HHIP: variants seen among roughly 807,000 people sequenced by gnomAD.
HHIP encodes hedgehog interacting protein, also known as hedgehog-interacting protein.
A neutral mutation model predicts 74.0 loss-of-function variants in HHIP; 12 were observed. The observed-to-expected ratio is 0.16, with a 90% confidence interval of 0.10 to 0.26. The LOEUF (loss-of-function observed/expected upper bound fraction) is 0.26. Among genes scored for constraint, HHIP ranks in the 10% least tolerant of loss-of-function variants. The probability of loss-of-function intolerance (pLI) is 1.00; values close to 1 mark genes in which losing one functional copy is unlikely to be tolerated. For missense variants in HHIP, 788 were observed against 845.0 expected (o/e 0.93, Z 0.84); for synonymous variants, 309 against 311.6 (o/e 0.99, Z 0.09).
chr4:144,670,455 CA>C lies in HHIP; in HGVS notation c.831+10633del, dbSNP rs70956805. Among the ~76,000 whole-genome samples, 861 of 116,714 alleles carry C rather than the reference CA, an allele frequency of 7.4e-3. 5 individuals carry two copies. The highest frequency in any genetic ancestry group is 0.019 in the African/African-American group (619 of 31,808). 76.6% of individuals were successfully genotyped at this position (116,714 alleles called of 152,430 possible). A position where few individuals can be genotyped will look rare whatever the true frequency, so the allele number is the denominator to read the frequency against. The stretch of plus-strand genomic sequence containing the variant: ...CAGCCTGGGTGACTGAAGAGACTGT[CA>C]AAAAAAAAAAAAAAAGCTAAATTAT... On this transcript the variant is annotated intron_variant, in intron 4 of 12. Transcript: ENST00000296575.
chr4:144,652,918 T>A (rs1728463099), intron 2 of HHIP, 121 bp downstream of exon 2: 2 of 627,902 alleles, frequency 3.2e-6, no homozygotes, highest in South Asian at 2.5e-5. Flanking sequence ...AATACCTATT[T>A]TACCTCATAA....
intron 4 of HHIP, among the ~76,000 whole-genome samples, chr4:144,696,363 A>G (rs1212862907): frequency 6.6e-6 from 1 of 151,880 alleles, no homozygotes; most frequent in East Asian, 1.9e-4. Context: ...TGAGGTACAC[A>G]CTTCAGTATA....
chr4:144,723,349 C>A (rs1730692600), intron 11 of HHIP, among the ~76,000 whole-genome samples: 1 of 152,158 alleles, frequency 6.6e-6, no homozygotes, highest in Non-Finnish European at 1.5e-5. Flanking sequence ...CTCTTCCCCC[C>A]ATGGCCCACT....
At chr4:144,650,401 C>T (rs186781550) in intron 1 of HHIP, among the ~76,000 whole-genome samples, 31 of 152,144 alleles carry the variant, frequency 2.0e-4, no homozygotes, top group African/African-American at 6.3e-4. Context: ...GTTTTGTATA[C>T]GGCTTTTAAA....
At chr4:144,651,057 G>A (rs1295997784) in intron 1 of HHIP, 1 of 152,062 alleles carries the variant, frequency 6.6e-6, no homozygotes, top group African/African-American at 2.4e-5. Context: ...AAACAGAATT[G>A]CTATATGATA....
rs1226374373 is a variant in HHIP at position 144,646,905 on chromosome 4, C to T, written c.230C>T (p.Ser77Phe). 1 of 1,613,742 alleles carries T rather than the reference C, an allele frequency of 6.2e-7. No individual in the cohort carries two copies. The highest frequency in any genetic ancestry group is 1.7e-5 in the Admixed American group (1 of 60,014). Residue 77 changes from serine (S) to phenylalanine (F), a missense_variant, in exon 1 of 13, where the codon TCC (serine) becomes TTC (phenylalanine). Physicochemically the swap from Ser to Phe is radical, Grantham distance 155 (BLOSUM62 -2). Around this residue, in one of 3 missense-constraint regions of HHIP, gnomAD observed 373 missense variants for 366.4 expected, o/e 1.02. Coordinates refer to ENST00000296575, the MANE Select transcript of HHIP (RefSeq NM_022475.3). ...TGCGGTGGCTTCTACCCTCGGCTGT[C>T]CTGCTGCCTGCGGAGTGACAGCCCG... ...MLCGGFYPRL[S>F]CCLRSDSPGL...
chr4:144,736,677 G>A (rs1004813479), intron 12 of HHIP, among the ~76,000 whole-genome samples: 1 of 152,100 alleles, frequency 6.6e-6, no homozygotes, highest in Non-Finnish European at 1.5e-5. Context: ...TTTACTCCAT[G>A]AGGTACTTTC....
chr4:144,680,125 G>C (rs532816498), intron 4 of HHIP, among the ~76,000 whole-genome samples: 1 of 152,218 alleles, frequency 6.6e-6, no homozygotes, highest in East Asian at 1.9e-4. Flanking sequence ...TGAAAAGAAC[G>C]TGTTTATGTC....
At chr4:144,721,017 T>C (rs759331705) in intron 11 of HHIP, among the ~76,000 whole-genome samples, 3 of 152,138 alleles carry the variant, frequency 2.0e-5, no homozygotes, top group Non-Finnish European at 4.4e-5. Flanking sequence ...AAAAAGATTC[T>C]TGTCAGCTAA....
rs1198396124 is a variant in HHIP at position 144,646,653 on chromosome 4, GCC to G, written c.-20_-19del. 1.9e-6 allele frequency: 3 copies of G among 1,606,304 alleles called. No homozygotes were observed. In the African/African-American group the frequency reaches 4.0e-5, roughly 21 times the overall value. On this transcript the variant is annotated 5_prime_UTR_variant, in exon 1 of 13. Transcript: ENST00000296575. ...GTTCCCCCCCATCCTCCCGCGCCCA[GCC>G]CCTGCTGCTCTGGGCAGACGATGCT...
intron 4 of HHIP, among the ~76,000 whole-genome samples, chr4:144,678,804 C>T (rs1051049720): frequency 5.3e-5 from 8 of 151,988 alleles, no homozygotes; most frequent in East Asian, 1.9e-4. Flanking sequence ...GTGGGCATTT[C>T]GGTTGGTTCT....
chr4:144,648,008 G>A (rs968598023), intron 1 of HHIP, among the ~76,000 whole-genome samples: 1 of 151,640 alleles, frequency 6.6e-6, no homozygotes, highest in Non-Finnish European at 1.5e-5. Context: ...AAATACCCAG[G>A]CTGAATCTAA....
chr4:144,708,619 CTT>C (rs992497212), intron 7 of HHIP, among the ~76,000 whole-genome samples: 9 of 152,178 alleles, frequency 5.9e-5, no homozygotes, highest in African/African-American at 2.2e-4. Context: ...ATGACCAAGA[CTT>C]TAATCTGAAC....
At chr4:144,715,079 T>A (rs1396362026) in intron 9 of HHIP, 6 of 406,674 alleles carry the variant, frequency 1.5e-5, no homozygotes, top group Non-Finnish European at 2.3e-5. Flanking sequence ...CTCAGGTACT[T>A]TTAGTGCCCC....
chr4:144,719,702 A>C (rs1730575598), intron 11 of HHIP, among the ~76,000 whole-genome samples: 1 of 152,244 alleles, frequency 6.6e-6, no homozygotes, highest in Non-Finnish European at 1.5e-5. Context: ...TCATAAATTT[A>C]GAAACAGCTA....
intron 4 of HHIP, among the ~76,000 whole-genome samples, chr4:144,705,225 T>C (rs1730100991): frequency 6.6e-6 from 1 of 152,212 alleles, no homozygotes; most frequent in Non-Finnish European, 1.5e-5. Context: ...CTTTTCTGCC[T>C]AAACCTTTCA....
At position 144,741,017 on chromosome 4, in the gene HHIP, A is replaced by G. The variant is rs1362152978; in HGVS notation, c.*3060A>G. The G allele has an allele frequency of 6.6e-6, 1 of 152,192 alleles. No individual in the cohort carries two copies. The highest frequency in any genetic ancestry group is 1.5e-5 in the Non-Finnish European group (1 of 68,042). The allele number at this position is 152,192 out of a possible 1,614,324, so 9.4% of individuals were successfully genotyped here. On this transcript the variant is annotated 3_prime_UTR_variant, in exon 13 of 13. Transcript: ENST00000296575. The stretch of plus-strand genomic sequence containing the variant: ...ACAGTTATTTAAGGTAATAAAAGGA[A>G]CACAATTTGGCAGATCTTTAAGTGA...
intron 4 of HHIP, among the ~76,000 whole-genome samples, chr4:144,677,000 C>A (rs1729187152): frequency 6.6e-6 from 1 of 152,094 alleles, no homozygotes; most frequent in South Asian, 2.1e-4. Context: ...TAAACTGAGG[C>A]CAGAGAGGGT....
intron 4 of HHIP, among the ~76,000 whole-genome samples, chr4:144,703,207 T>G (rs898195250): frequency 8.1e-6 from 1 of 122,876 alleles, no homozygotes; most frequent in African/African-American, 2.8e-5. Context: ...AGAATGAAAC[T>G]CCATCTCAAA....
Sources: allele counts gnomAD v4.1 joint callset (sites outside exome capture counted in the v4.1 genomes callset), GRCh38; gene constraint gnomAD v4.1.1; regional missense constraint gnomAD v4.1.1; transcripts MANE v1.5; gene names NCBI Gene and HGNC (gene_info 2026-07-23, HGNC 2026-07-21).